Variants in KHDRBS2 observed in about 807,000 individuals in gnomAD.
KHDRBS2 encodes KH domain-containing, RNA-binding, signal transduction-associated protein 2.
KHDRBS2 carries 26 observed loss-of-function variants against 44.3 expected under a neutral mutation model. The observed-to-expected ratio is 0.59, with a 90% confidence interval of 0.43 to 0.81. The LOEUF (loss-of-function observed/expected upper bound fraction) is 0.81, where lower values mean the gene tolerates loss of function less well. Among genes scored for constraint, KHDRBS2 ranks in the 40% least tolerant of loss-of-function variants. The pLI, the probability that KHDRBS2 is intolerant of heterozygous loss-of-function variation, is 0.00. For synonymous variants in KHDRBS2, 194 were observed against 151.1 expected (o/e 1.28, Z -2.08); for missense variants, 476 against 433.1 (o/e 1.10, Z -0.88).
chr6:62,200,472 G>C (rs1207607313), intron 1 of KHDRBS2, among the ~76,000 whole-genome samples: 3 of 152,120 alleles, frequency 2.0e-5, no homozygotes, highest in African/African-American at 4.8e-5. Context: ...GCAGCCAAAA[G>C]ACACATGAAA....
At chr6:61,880,845 A>G (rs1800107148) in intron 6 of KHDRBS2, among the ~76,000 whole-genome samples, 1 of 151,976 alleles carries the variant, frequency 6.6e-6, no homozygotes, top group African/African-American at 2.4e-5. Flanking sequence ...ATATTCTTAC[A>G]TGATTTCTAT....
At chr6:62,120,403 T>C (rs2150082058) in intron 2 of KHDRBS2, among the ~76,000 whole-genome samples, 1 of 152,330 alleles carries the variant, frequency 6.6e-6, no homozygotes, top group Middle Eastern at 3.4e-3. Flanking sequence ...AAGAGCTCTG[T>C]GATTGCTCTT....
intron 2 of KHDRBS2, among the ~76,000 whole-genome samples, chr6:62,168,005 G>T (rs1819064088): frequency 6.6e-6 from 1 of 152,144 alleles, no homozygotes; most frequent in Non-Finnish European, 1.5e-5. Context: ...GGAAGACATG[G>T]AAAGTTGCAA....
the KHDRBS2 span, among the ~76,000 whole-genome samples, chr6:61,662,113 T>A: frequency 6.6e-6 from 1 of 152,082 alleles, no homozygotes; most frequent in Admixed American, 6.6e-5. Flanking sequence ...AACTATCTGA[T>A]CTTTGACAAA....
In KHDRBS2 at chr6:62,230,043, C is replaced by T. The variant is rs139609314; in HGVS notation, c.92-52731G>A. On this transcript the variant is annotated intron_variant, in intron 1 of 8. Coordinates refer to ENST00000281156, the MANE Select transcript of KHDRBS2 (RefSeq NM_152688.4). ...ATTCTCTTTTTGTGTCTAGAGATCA[C>T]GATTCTAAAATTGCTGTAGCGGTGG... Among the ~76,000 whole-genome samples, 692 of 152,270 alleles carry T rather than the reference C, an allele frequency of 4.5e-3. 13 individuals are homozygous for T. In the South Asian group the frequency reaches 0.06, roughly 13 times the overall value.
intron 6 of KHDRBS2, among the ~76,000 whole-genome samples, chr6:61,776,053 T>C (rs1454625522): frequency 6.6e-6 from 1 of 152,210 alleles, no homozygotes; most frequent in Non-Finnish European, 1.5e-5. Context: ...GGATTCCCTA[T>C]TTAATAAATG....
chr6:61,552,114 A>G, the KHDRBS2 span, among the ~76,000 whole-genome samples: 1 of 151,908 alleles, frequency 6.6e-6, no homozygotes, highest in African/African-American at 2.4e-5. Flanking sequence ...GTAAATGGCC[A>G]TTTTAACAAT....
the KHDRBS2 span, among the ~76,000 whole-genome samples, chr6:61,565,694 G>C: frequency 1.0e-3 from 159 of 152,136 alleles, no homozygotes; most frequent in African/African-American, 3.7e-3. Flanking sequence ...GAGAATGCTT[G>C]TACCCTGTTG....
intron 2 of KHDRBS2, among the ~76,000 whole-genome samples, chr6:62,078,607 C>T (rs2127352499): frequency 6.6e-6 from 1 of 151,890 alleles, no homozygotes; most frequent in African/African-American, 2.4e-5. Flanking sequence ...AAAAAGACTA[C>T]TATTTGTAAT....
chr6:61,635,095 A>G, the KHDRBS2 span, among the ~76,000 whole-genome samples: 26 of 152,128 alleles, frequency 1.7e-4, 1 homozygote, highest in African/African-American at 5.8e-4. Flanking sequence ...ATTTCTTACT[A>G]TCCAATTAAT....
At chr6:61,785,061 AT>A (rs1200409060) in intron 6 of KHDRBS2, among the ~76,000 whole-genome samples, 1 of 152,042 alleles carries the variant, frequency 6.6e-6, no homozygotes, top group Non-Finnish European at 1.5e-5. Flanking sequence ...AAATGGGAGG[AT>A]CACCTGAGCC....
the KHDRBS2 span, among the ~76,000 whole-genome samples, chr6:61,581,168 G>C: frequency 2.0e-5 from 3 of 152,088 alleles, no homozygotes; most frequent in Non-Finnish European, 4.4e-5. Flanking sequence ...CCAAACCATA[G>C]GTAGATTTTG....
At chr6:62,028,508 T>G (rs1236380431) in intron 3 of KHDRBS2, among the ~76,000 whole-genome samples, 1 of 152,106 alleles carries the variant, frequency 6.6e-6, no homozygotes, top group Middle Eastern at 3.2e-3. Flanking sequence ...ATTTTTGTGC[T>G]TATACATGGT....
At chr6:62,249,166 G>A (rs1836117423) in intron 1 of KHDRBS2, among the ~76,000 whole-genome samples, 1 of 152,010 alleles carries the variant, frequency 6.6e-6, no homozygotes, top group African/African-American at 2.4e-5. Context: ...GGTCAAATGT[G>A]TAAAAATTCT....
intron 4 of KHDRBS2, among the ~76,000 whole-genome samples, chr6:61,956,906 C>CATCATCATCATG (rs1767477466): frequency 6.7e-6 from 1 of 149,554 alleles, no homozygotes; most frequent in East Asian, 2.1e-4. Context: ...TATTGGTTTT[C>CATCATCATCATG]ATCATCATCA....
chr6:61,582,449 G>A, the KHDRBS2 span, among the ~76,000 whole-genome samples: 2 of 151,602 alleles, frequency 1.3e-5, no homozygotes, highest in Non-Finnish European at 3.0e-5. Context: ...TGCCAGAATA[G>A]ACTATTAAGC....
intron 4 of KHDRBS2, among the ~76,000 whole-genome samples, chr6:61,907,360 C>T (rs897678162): frequency 4.0e-5 from 6 of 151,844 alleles, no homozygotes; most frequent in African/African-American, 1.5e-4. Flanking sequence ...TGTATTGTCT[C>T]TTCACTTTGT....
At chr6:61,873,170 A>G (rs1798910235) in intron 6 of KHDRBS2, among the ~76,000 whole-genome samples, 1 of 152,096 alleles carries the variant, frequency 6.6e-6, no homozygotes, top group African/African-American at 2.4e-5. Context: ...TAAATATTCT[A>G]CCACATTTAA....
At chr6:61,684,210 C>T (rs911108138) in intron 8 of KHDRBS2, among the ~76,000 whole-genome samples, 2 of 151,836 alleles carry the variant, frequency 1.3e-5, no homozygotes, top group African/African-American at 4.8e-5. Context: ...TTTCCAGTGC[C>T]ACCATAGAGT....
Sources: gnomAD v4.1 joint callset for allele counts (sites outside exome capture counted in the v4.1 genomes callset) on GRCh38, gnomAD v4.1.1 for gene constraint, MANE v1.5 for transcripts, NCBI Gene and HGNC (gene_info 2026-07-23, HGNC 2026-07-21) for gene names.